The following EIF4G3 variants were observed in gnomAD, a reference collection of about 807,000 sequenced individuals.
EIF4G3 encodes the protein eukaryotic translation initiation factor 4 gamma 3.
EIF4G3 carries 34 observed loss-of-function variants against 186.4 expected under a neutral mutation model. The observed-to-expected ratio is 0.18, with a 90% CI of 0.14 to 0.24. The LOEUF is 0.24. EIF4G3 is among the 10% of genes least tolerant of loss of function. The probability of loss-of-function intolerance (pLI) is 1.00; values close to 1 mark genes in which losing one functional copy is unlikely to be tolerated. For synonymous variants in EIF4G3, 673 were observed against 679.5 expected (o/e 0.99, Z 0.15); for missense variants, 1,536 against 1,948.5 (o/e 0.79, Z 3.99).
intron 2 of EIF4G3, among the ~76,000 whole-genome samples, chr1:21,127,533 C>T (rs531775934): frequency 6.6e-5 from 10 of 152,246 alleles, no homozygotes; most frequent in South Asian, 2.1e-4. Flanking sequence ...ATACCTGGTA[C>T]GCAGCAGACA....
At chr1:20,818,975 G>A (rs1012083745) in intron 33 of EIF4G3, among the ~76,000 whole-genome samples, 1 of 152,048 alleles carries the variant, frequency 6.6e-6, no homozygotes, top group Non-Finnish European at 1.5e-5. Flanking sequence ...TCACTATGTT[G>A]CCAAGTTGGA....
chr1:20,843,498 C>T (rs1261330055), intron 29 of EIF4G3, among the ~76,000 whole-genome samples: 1 of 151,946 alleles, frequency 6.6e-6, no homozygotes, highest in Non-Finnish European at 1.5e-5. Context: ...GCCTGGGCGA[C>T]ACGGTGAGAC....
At chr1:21,071,547 T>C (rs970427049) in intron 3 of EIF4G3, among the ~76,000 whole-genome samples, 3 of 152,124 alleles carry the variant, frequency 2.0e-5, no homozygotes, top group African/African-American at 7.2e-5. Context: ...GAAAAGCACT[T>C]ACACGGCCGG....
chr1:21,106,749 GA>G (rs2096625372), intron 2 of EIF4G3, among the ~76,000 whole-genome samples: 1 of 152,062 alleles, frequency 6.6e-6, no homozygotes, highest in South Asian at 2.1e-4. Flanking sequence ...TTAAAAAAAG[GA>G]AGAAGGTAAA....
chr1:21,146,869 T>C (rs1215225757), intron 2 of EIF4G3, among the ~76,000 whole-genome samples: 1 of 152,166 alleles, frequency 6.6e-6, no homozygotes, highest in Non-Finnish European at 1.5e-5. Context: ...CACAAGAAAG[T>C]CTATAAAATA....
chr1:20,849,475 C>A lies in EIF4G3; in HGVS notation c.3828G>T (p.Glu1276Asp), dbSNP rs149032365. 56 of 1,570,350 alleles carry A rather than the reference C, an allele frequency of 3.6e-5. 1 individual carries two copies. In the South Asian group the frequency reaches 6.5e-4, roughly 18 times the overall value. Residue 1276 changes from glutamate (E) to aspartate (D), a missense_variant, in exon 29 of 37, where the codon GAG becomes GAT. Glu to Asp is a conservative substitution (Grantham distance 45, BLOSUM62 2). Transcript: ENST00000602326. ...TAGATTTCGACTTCCTCTCCAGTTC[C>A]TCTTCTGATAATGCAGCCTTGTCAT... is the stretch of plus-strand genomic sequence containing the variant. ...SAHDKAALSE[E>D]ELERKSKSII...
At chr1:20,830,464 T>C (rs1351600753) in intron 30 of EIF4G3, among the ~76,000 whole-genome samples, 1 of 152,160 alleles carries the variant, frequency 6.6e-6, no homozygotes, top group African/African-American at 2.4e-5. Flanking sequence ...TAATTGCAGG[T>C]TCTCTCATTA....
chr1:21,110,711 T>C (rs548731786), intron 2 of EIF4G3, among the ~76,000 whole-genome samples: 3 of 149,080 alleles, frequency 2.0e-5, no homozygotes, highest in African/African-American at 7.3e-5. Context: ...GGATTACAGG[T>C]GTGAGGCACC....
At chr1:20,907,869 T>C (rs988419153) in intron 14 of EIF4G3, among the ~76,000 whole-genome samples, 6 of 152,196 alleles carry the variant, frequency 3.9e-5, no homozygotes, top group African/African-American at 1.4e-4. Flanking sequence ...TGCATGTGTC[T>C]TTATAGCAGC....
intron 3 of EIF4G3, among the ~76,000 whole-genome samples, chr1:21,075,906 T>A (rs150259772): frequency 6.6e-6 from 1 of 152,246 alleles, no homozygotes; most frequent in African/African-American, 2.4e-5. Flanking sequence ...ATTATTCAAC[T>A]TAAATATCCC....
intron 2 of EIF4G3, among the ~76,000 whole-genome samples, chr1:21,140,606 G>T (rs945780093): frequency 6.6e-6 from 1 of 152,152 alleles, no homozygotes; most frequent in Non-Finnish European, 1.5e-5. Context: ...CACCACACCT[G>T]GCCTTGGCAA....
intron 35 of EIF4G3, 52 bp downstream of exon 35, chr1:20,813,106 G>A: frequency 8.0e-7 from 1 of 1,248,858 alleles, no homozygotes; most frequent in Non-Finnish European, 1.2e-6. Flanking sequence ...CTTAGTAGTT[G>A]ACATAATGGG....
chr1:21,046,775 A>G (rs1203576405), intron 4 of EIF4G3, among the ~76,000 whole-genome samples: 1 of 152,234 alleles, frequency 6.6e-6, no homozygotes, highest in Non-Finnish European at 1.5e-5. Context: ...TTATCCGAAC[A>G]TCAGAAAAGA....
intron 3 of EIF4G3, among the ~76,000 whole-genome samples, chr1:21,067,872 C>T (rs976138562): frequency 1.1e-4 from 16 of 151,844 alleles, no homozygotes; most frequent in African/African-American, 2.2e-4. Flanking sequence ...CAGTGGCTCA[C>T]GCCACTGCAC....
At chr1:20,986,188 T>C (rs1270019162) in intron 7 of EIF4G3, among the ~76,000 whole-genome samples, 1 of 152,216 alleles carries the variant, frequency 6.6e-6, no homozygotes, top group African/African-American at 2.4e-5. Flanking sequence ...CTGCCCAGAA[T>C]GTACCTGGCA....
At chr1:21,079,601 T>C (rs2095699697) in intron 3 of EIF4G3, among the ~76,000 whole-genome samples, 1 of 151,666 alleles carries the variant, frequency 6.6e-6, no homozygotes, top group Admixed American at 6.6e-5. Flanking sequence ...AGAGTATCTC[T>C]TGAGCCTAAA....
rs1452634890 is a variant in EIF4G3, at chr1:20,827,569, G to A, written c.4269+48C>T. The A allele has an allele frequency of 7.5e-6, 9 of 1,205,438 alleles. No individual in the cohort carries two copies. In the Middle Eastern group the frequency reaches 9.7e-4, roughly 130 times the overall value. The allele number at this position is 1,205,438 out of a possible 1,614,324, so 74.7% of individuals were successfully genotyped here. A position where few individuals can be genotyped will look rare whatever the true frequency, so the allele number is the denominator to read the frequency against. On this transcript the variant is annotated intron_variant, in intron 32 of 36. Transcript: ENST00000602326. ...CAGATAACCCAAGATCAAGATCACT[G>A]CCCTTCCTAATAATACTGTTGAGTC... is the stretch of plus-strand genomic sequence containing the variant.
chr1:21,027,665 A>G (rs1386906250), intron 4 of EIF4G3, among the ~76,000 whole-genome samples: 1 of 152,112 alleles, frequency 6.6e-6, no homozygotes, highest in East Asian at 1.9e-4. Context: ...GATGTGGAGA[A>G]AGTGGAACTC....
chr1:20,906,662 A>T (rs1414831800), intron 14 of EIF4G3, among the ~76,000 whole-genome samples: 3 of 152,202 alleles, frequency 2.0e-5, no homozygotes, highest in Non-Finnish European at 2.9e-5. Context: ...ATACTTGGAA[A>T]AAAAACAGCT....
Sources: allele counts gnomAD v4.1 joint callset (sites outside exome capture counted in the v4.1 genomes callset), GRCh38; gene constraint gnomAD v4.1.1; transcripts MANE v1.5; gene names NCBI Gene and HGNC (gene_info 2026-07-23, HGNC 2026-07-21).